HERC2: variants seen among roughly 807,000 people sequenced by gnomAD.
HERC2 encodes E3 ubiquitin-protein ligase HERC2.
Under a neutral mutation model 537.7 loss-of-function variants are expected in HERC2, and 102 were observed. The ratio of observed to expected loss-of-function variants is 0.19; its 90% CI spans 0.16 to 0.22. The LOEUF (loss-of-function observed/expected upper bound fraction) is 0.22, where lower values mean the gene tolerates loss of function less well. Ranked by LOEUF, HERC2 falls within the 10% of genes least tolerant of loss-of-function variation. The pLI is 1.00. For missense variants in HERC2, 4,236 were observed against 6,198.2 expected (o/e 0.68, Z 10.63); for synonymous variants, 2,224 against 2,466.2 (o/e 0.90, Z 2.91).
At chr15:28,304,866 C>G (rs2076740259) in intron 2 of HERC2, among the ~76,000 whole-genome samples, 1 of 126,924 alleles carries the variant, frequency 7.9e-6, no homozygotes, top group African/African-American at 2.9e-5. Flanking sequence ...CCCCCTCCCC[C>G]CACCCCACCC....
intron 42 of HERC2, 31 bp downstream of exon 42, chr15:28,213,711 T>C: frequency 6.2e-7 from 1 of 1,612,438 alleles, no homozygotes; most frequent in Non-Finnish European, 8.5e-7. Context: ...ATTTCCCTTA[T>C]CATGCAGTAA....
intron 70 of HERC2, among the ~76,000 whole-genome samples, chr15:28,150,595 T>C (rs1316995024): frequency 2.3e-5 from 3 of 127,912 alleles, no homozygotes; most frequent in East Asian, 4.6e-4. Context: ...TCACCGAGAA[T>C]GGCCACACGA....
At position 28,273,057 on chromosome 15, in the gene HERC2, T is replaced by C. The variant is rs968459600; in HGVS notation, c.801-53A>G. The C allele has an allele frequency of 3.1e-5, 39 of 1,278,260 alleles. No individual in the cohort carries two copies. The Admixed American group carries it at 3.4e-4, about 11-fold the overall frequency. The allele number at this position is 1,278,260 out of a possible 1,614,324, so 79.2% of individuals were successfully genotyped here. A position where few individuals can be genotyped will look rare whatever the true frequency, so the allele number is the denominator to read the frequency against. On this transcript the variant is annotated intron_variant, in intron 7 of 92. Coordinates refer to ENST00000261609, the MANE Select transcript of HERC2 (RefSeq NM_004667.6). ...CAAAGCAACCTCCAGAAAGACAGCA[T>C]GCTTACAATCACACTAACACATTTA...
chr15:28,175,718 A>T (rs570797530), intron 63 of HERC2, 62 bp from the exon 64 acceptor site: 1 of 1,535,074 alleles, frequency 6.5e-7, no homozygotes, highest in East Asian at 2.3e-5. Context: ...GCTATACAAG[A>T]AGACACTCAT....
chr15:28,242,001 A>T (rs1415616662), intron 23 of HERC2, among the ~76,000 whole-genome samples: 1 of 152,202 alleles, frequency 6.6e-6, no homozygotes, highest in African/African-American at 2.4e-5. Flanking sequence ...AAATGTAAGG[A>T]CATTCAGACA....
At chr15:28,277,034 C>G (rs2075892096) in intron 5 of HERC2, among the ~76,000 whole-genome samples, 1 of 152,124 alleles carries the variant, frequency 6.6e-6, no homozygotes. Context: ...ATGATTATAT[C>G]ACTGCACTCC....
intron 83 of HERC2, 50 bp from the exon 84 acceptor site, chr15:28,125,243 C>T (rs61585051): frequency 0.076 from 110,761 of 1,466,002 alleles, 9,226 homozygotes; most frequent in East Asian, 0.42. Context: ...GGCCAACAAA[C>T]GCATGGCTGC....
chr15:28,188,101 GTTTTT>G (rs998967284), intron 55 of HERC2, among the ~76,000 whole-genome samples: 2 of 149,414 alleles, frequency 1.3e-5, no homozygotes, highest in Non-Finnish European at 3.0e-5. Flanking sequence ...CAATTACTCA[GTTTTT>G]TTTTTCTTTA....
intron 83 of HERC2, among the ~76,000 whole-genome samples, chr15:28,128,882 G>A (rs757013411): frequency 1.3e-5 from 2 of 152,136 alleles, no homozygotes; most frequent in Non-Finnish European, 2.9e-5. Flanking sequence ...GCTTCCAGGG[G>A]CCACCCCATT....
Position 28,265,644 on chromosome 15 carries a change from G to C in HERC2, c.1844C>G (p.Ala615Gly). The C allele has an allele frequency of 6.2e-7, 1 of 1,614,070 alleles. No individual in the cohort carries two copies. The highest frequency in any genetic ancestry group is 8.5e-7 in the Non-Finnish European group (1 of 1,179,992). ...VIDVACGSGDAQTLAVTENGQ... is the reference protein window; with the variant it reads ...VIDVACGSGDGQTLAVTENGQ... ...GTTCTCAGTGACAGCCAGGGTTTGA[G>C]CATCCCCACTCCCACACGCCACATC... The change falls in exon 14 of 93, where the codon GCT becomes GGT. Residue 615 changes from alanine to glycine, a missense_variant. Physicochemically the swap from Ala to Gly is moderately conservative, Grantham distance 60. Transcript: ENST00000261609. This position sits in a 1 kb window ranked among gnomAD's most constrained non-coding sequence, Gnocchi z 4.0.
At chr15:28,321,564 G>T (rs4932629) in intron 1 of HERC2, 100 bp from the exon 2 acceptor site, 60,478 of 536,164 alleles carry the variant, frequency 0.11, 8,553 homozygotes, top group East Asian at 0.44. Flanking sequence ...GAACAGAAAG[G>T]GGGGAGAGAA....
Position 28,274,952 on chromosome 15 carries a change from G to T in HERC2, c.596C>A (p.Ala199Glu). The change falls in exon 6 of 93, where the codon GCG becomes GAG. Residue 199 changes from alanine (A) to glutamate (E), a missense_variant. Physicochemically the swap from Ala to Glu is moderately radical, Grantham distance 107 (BLOSUM62 -1). This residue lies in a region of HERC2 where 491 missense variants were observed against 559.3 expected (regional missense o/e 0.88). Transcript: ENST00000261609. ...VEGLARVGSR[A>E]ALSFAFAFLR... is the part of the protein sequence containing the mutation. The stretch of plus-strand genomic sequence containing the variant: ...GAAGGCAAAGGCAAAAGACAGCGCC[G>T]CTCGGGATCCCACTCTGGCGAGCCC... 1.2e-6 allele frequency: 2 copies of T among 1,610,296 alleles called. No homozygotes were observed. The highest frequency in any genetic ancestry group is 8.5e-7 in the Non-Finnish European group (1 of 1,179,944).
rs767703761 is a variant in HERC2 at position 28,177,425 on chromosome 15, C to T, written c.9248G>A (p.Ser3083Asn). Residue 3083 changes from serine to asparagine, a missense_variant, in exon 60 of 93, where the codon AGC becomes AAC. Coordinates refer to ENST00000261609, the MANE Select transcript of HERC2 (RefSeq NM_004667.6). The surrounding 1 kb of genome is among the most constrained non-coding windows in gnomAD (Gnocchi z 5.0). ...EGDDGKLGHF[S>N]RMNCDKPRLI... ...CTAAAAAAAGTACCCTTACATTCTG[C>T]TGAAGTGTCCAAGTTTTCCATCGTC... The T allele has an allele frequency of 4.3e-6, 7 of 1,614,060 alleles. No homozygotes were observed. Among genetic ancestry groups the T allele is most frequent in the Non-Finnish European group, 5.1e-6 (6 of 1,179,876 alleles).
rs754544288 is a variant in HERC2, at chr15:28,167,298, AC to A, written c.10554+388del. Among the ~76,000 whole-genome samples, 7 of 152,336 alleles carry A rather than the reference AC, an allele frequency of 4.6e-5. No individual in the cohort carries two copies. The South Asian group carries it at 1.5e-3, about 32-fold the overall frequency. The stretch of plus-strand genomic sequence containing the variant: ...ATGGAGGCACTGAAAAGAATTCTGC[AC>A]CGTTCCTGTGGTGTCTGTCAAAACG... On this transcript the variant is annotated intron_variant, in intron 68 of 92. Transcript: ENST00000261609.
intron 86 of HERC2, among the ~76,000 whole-genome samples, chr15:28,120,770 GAACTT>G (rs1234920902): frequency 6.6e-6 from 1 of 152,188 alleles, no homozygotes; most frequent in East Asian, 1.9e-4. Flanking sequence ...CCACTTCTCA[GAACTT>G]AACAAAAGGG....
At chr15:28,112,426 C>T (rs904847836) in intron 92 of HERC2, among the ~76,000 whole-genome samples, 3 of 152,214 alleles carry the variant, frequency 2.0e-5, no homozygotes, top group Admixed American at 2.0e-4. Flanking sequence ...TGGACAAAAA[C>T]TAAGAATTAC....
At chr15:28,199,921 A>G (rs553894726) in intron 48 of HERC2, among the ~76,000 whole-genome samples, 9 of 152,328 alleles carry the variant, frequency 5.9e-5, no homozygotes, top group Non-Finnish European at 1.2e-4. Flanking sequence ...AATAAACAGC[A>G]TGAAAGGAGA....
chr15:28,216,364 A>G (rs377528780), intron 38 of HERC2, among the ~76,000 whole-genome samples: 6 of 151,232 alleles, frequency 4.0e-5, no homozygotes, highest in South Asian at 2.1e-4. Flanking sequence ...CAAGTTTAAT[A>G]CATCTGCATT....
chr15:28,138,699 C>T (rs1193410305), intron 78 of HERC2, among the ~76,000 whole-genome samples: 1 of 152,076 alleles, frequency 6.6e-6, no homozygotes, highest in Non-Finnish European at 1.5e-5. Context: ...CCGGCTAACA[C>T]ATCATTTTTT....
Sources: gnomAD v4.1 joint callset for allele counts (sites outside exome capture counted in the v4.1 genomes callset) on GRCh38, gnomAD v4.1.1 for gene constraint, gnomAD v4.1.1 regional missense constraint, Gnocchi (gnomAD v3.1) non-coding constraint, MANE v1.5 for transcripts, NCBI Gene and HGNC (gene_info 2026-07-23, HGNC 2026-07-21) for gene names.